TRHDE: variants seen among roughly 807,000 people sequenced by gnomAD.
TRHDE encodes thyrotropin-releasing hormone-degrading ectoenzyme.
In TRHDE, 72 loss-of-function variants were observed where a neutral mutation model predicts 125.7. The observed-to-expected ratio is 0.57, with a 90% CI of 0.47 to 0.70. The LOEUF is 0.70. Among genes scored for constraint, TRHDE ranks in the 30% least tolerant of loss-of-function variants. TRHDE has a pLI of 0.00. For missense variants in TRHDE, 1,110 were observed against 1,327.1 expected (o/e 0.84, Z 2.54); for synonymous variants, 509 against 509.1 (o/e 1.00, Z 0.00).
chr12:72,369,553 C>T (rs1014276100), intron 2 of TRHDE, among the ~76,000 whole-genome samples: 22 of 152,076 alleles, frequency 1.4e-4, no homozygotes, highest in Non-Finnish European at 2.8e-4. Flanking sequence ...AGAATTTTGG[C>T]ATGTTTGTAT....
chr12:72,160,632 T>C (rs1876617253), intron 2 of TRHDE, among the ~76,000 whole-genome samples: 2 of 152,052 alleles, frequency 1.3e-5, no homozygotes, highest in South Asian at 4.1e-4. Context: ...GAGGTTACAG[T>C]GAGCCGAGAC....
chr12:72,569,230 A>G (rs1051228502), intron 10 of TRHDE, among the ~76,000 whole-genome samples: 1 of 152,162 alleles, frequency 6.6e-6, no homozygotes, highest in Non-Finnish European at 1.5e-5. Flanking sequence ...ACCTATTTCA[A>G]TTTACTGTCA....
At chr12:72,282,489 A>G (rs1352333991) in intron 1 of TRHDE, among the ~76,000 whole-genome samples, 3 of 152,194 alleles carry the variant, frequency 2.0e-5, no homozygotes, top group African/African-American at 7.2e-5. Context: ...ACAAAATTAT[A>G]TTTTTGAAAT....
intron 3 of TRHDE, among the ~76,000 whole-genome samples, chr12:72,466,525 T>A (rs1876383524): frequency 6.6e-6 from 1 of 152,214 alleles, no homozygotes; most frequent in African/African-American, 2.4e-5. Context: ...TTATCTGGTT[T>A]GTTCATATTT....
At chr12:72,563,643 A>G (rs1015915388) in intron 9 of TRHDE, among the ~76,000 whole-genome samples, 1 of 152,210 alleles carries the variant, frequency 6.6e-6, no homozygotes, top group African/African-American at 2.4e-5. Flanking sequence ...TTAATTACTG[A>G]TAACTCAGCA....
At chr12:72,566,969 T>C (rs1870477167) in intron 9 of TRHDE, among the ~76,000 whole-genome samples, 1 of 151,970 alleles carries the variant, frequency 6.6e-6, no homozygotes, top group Non-Finnish European at 1.5e-5. Flanking sequence ...GAGCTTATCA[T>C]TTAATTTGAG....
intron 6 of TRHDE, among the ~76,000 whole-genome samples, chr12:72,512,437 A>AT (rs1878623908): frequency 9.5e-6 from 1 of 105,596 alleles, no homozygotes; most frequent in Admixed American, 1.1e-4. Flanking sequence ...ATTATATAAT[A>AT]TGTTATAATT....
chr12:72,294,387 C>T (rs1402217444), intron 2 of TRHDE, among the ~76,000 whole-genome samples: 1 of 151,858 alleles, frequency 6.6e-6, no homozygotes, highest in African/African-American at 2.4e-5. Context: ...GGCGGTGGGG[C>T]GGACAGCTCC....
At chr12:72,150,326 A>G (rs1252771376) in intron 2 of TRHDE, among the ~76,000 whole-genome samples, 1 of 152,146 alleles carries the variant, frequency 6.6e-6, no homozygotes, top group Non-Finnish European at 1.5e-5. Context: ...AGAATTTTCT[A>G]GGCAATTGTC....
chr12:72,362,796 C>T (rs1182253758), intron 2 of TRHDE, among the ~76,000 whole-genome samples: 1 of 152,042 alleles, frequency 6.6e-6, no homozygotes, highest in East Asian at 1.9e-4. Context: ...AGCCAGTTTT[C>T]CCAGCACCAT....
Position 72,448,998 on chromosome 12 carries a change from A to G in TRHDE, c.1316-20760A>G, listed in dbSNP as rs114170905. Among the ~76,000 whole-genome samples the G allele has an allele frequency of 8.3e-3, 1,270 of 152,140 alleles. 22 individuals carry two copies. The highest frequency in any genetic ancestry group is 0.029 in the African/African-American group (1,189 of 41,560). The stretch of plus-strand genomic sequence containing the variant: ...GTCAGAGTGGAAATGAAACATTTGT[A>G]TATTGTAGCAGTCGGTACTGTGCCA... On this transcript the variant is annotated intron_variant, in intron 3 of 18. Transcript: ENST00000261180.
At chr12:72,449,079 C>G (rs1226311960) in intron 3 of TRHDE, among the ~76,000 whole-genome samples, 1 of 152,026 alleles carries the variant, frequency 6.6e-6, no homozygotes, top group Non-Finnish European at 1.5e-5. Flanking sequence ...TCTTATCCAG[C>G]TTCCTCTTTT....
chr12:72,109,932 G>T (rs1390408286), intron 2 of TRHDE, among the ~76,000 whole-genome samples: 3 of 152,118 alleles, frequency 2.0e-5, no homozygotes, highest in Non-Finnish European at 4.4e-5. Context: ...AGAGATGATG[G>T]AAAAGTCTGT....
Position 72,272,593 on chromosome 12 carries a change from C to A in TRHDE, c.-51C>A. 1.3e-6 allele frequency: 1 copy of A among 766,704 alleles called. No individual in the cohort carries two copies. 47.5% of individuals were successfully genotyped at this position (766,704 alleles called of 1,614,324 possible). ...CTGCTCTGGCTGTGGCCCGGGTGGC[C>A]CGCCCGCGGGGGGTGCCAGAGGGGG... On this transcript the variant is annotated 5_prime_UTR_variant, in exon 1 of 19. Coordinates refer to ENST00000261180, the MANE Select transcript of TRHDE (RefSeq NM_013381.3). This position sits in a 1 kb window ranked among gnomAD's most constrained non-coding sequence, Gnocchi z 6.7.
intron 3 of TRHDE, among the ~76,000 whole-genome samples, chr12:72,439,566 TA>T (rs1369409809): frequency 6.6e-6 from 1 of 151,870 alleles, no homozygotes; most frequent in African/African-American, 2.4e-5. Context: ...GAAATGTGAT[TA>T]TTTTTCTGAT....
chr12:72,183,586 T>G (rs1877140008), intron 2 of TRHDE, among the ~76,000 whole-genome samples: 1 of 152,224 alleles, frequency 6.6e-6, no homozygotes, highest in Non-Finnish European at 1.5e-5. Flanking sequence ...TAGGTCAAAA[T>G]AGTCGAATAT....
At chr12:72,144,820 G>A (rs1433411898) in intron 2 of TRHDE, among the ~76,000 whole-genome samples, 1 of 152,174 alleles carries the variant, frequency 6.6e-6, no homozygotes, top group African/African-American at 2.4e-5. Flanking sequence ...GGGATATGTA[G>A]TAGTGCCTGG....
In TRHDE at chr12:72,564,207, C is replaced by T. The variant is rs1870320394; in HGVS notation, c.2042+1167C>T. On this transcript the variant is annotated intron_variant, in intron 9 of 18. Coordinates refer to ENST00000261180, the MANE Select transcript of TRHDE (RefSeq NM_013381.3). Reference sequence around the variant, plus strand: ...GTAGACTCATGGATTGTGCTAGTACCCTGCCACACTCTCACCACCTTTAGG... The same window carrying T: ...GTAGACTCATGGATTGTGCTAGTACTCTGCCACACTCTCACCACCTTTAGG... Among the ~76,000 whole-genome samples, 3 of 151,382 alleles carry T rather than the reference C, an allele frequency of 2.0e-5. No individual in the cohort carries two copies. In the South Asian group the frequency reaches 6.3e-4, roughly 32 times the overall value.
At chr12:72,400,415 T>G (rs143297762) in intron 3 of TRHDE, among the ~76,000 whole-genome samples, 16 of 152,204 alleles carry the variant, frequency 1.1e-4, no homozygotes, top group Non-Finnish European at 1.5e-4. Context: ...TAATTTAATA[T>G]GTAAGTGTAA....
Sources: gnomAD v4.1 joint callset for allele counts (sites outside exome capture counted in the v4.1 genomes callset) on GRCh38, gnomAD v4.1.1 for gene constraint, Gnocchi (gnomAD v3.1) non-coding constraint, MANE v1.5 for transcripts, NCBI Gene and HGNC (gene_info 2026-07-23, HGNC 2026-07-21) for gene names.